The following OXCT1 variants were observed in gnomAD, a reference collection of about 807,000 sequenced individuals.
OXCT1 encodes 3-oxoacid CoA-transferase 1.
In OXCT1, 27 loss-of-function variants were observed where a neutral mutation model predicts 69.6. The ratio of observed to expected loss-of-function variants is 0.39; its 90% CI spans 0.29 to 0.54. The LOEUF is 0.54. Among genes scored for constraint, OXCT1 ranks in the 20% least tolerant of loss-of-function variants. The pLI is 0.72. For missense variants in OXCT1, 437 were observed against 650.2 expected (o/e 0.67, Z 3.57); for synonymous variants, 202 against 217.8 (o/e 0.93, Z 0.64).
chr5:41,836,131 G>A (rs1748349619), intron 7 of OXCT1, among the ~76,000 whole-genome samples: 1 of 152,152 alleles, frequency 6.6e-6, no homozygotes, highest in African/African-American at 2.4e-5. Context: ...TCATACACAT[G>A]GAAGGCAACA....
At chr5:41,766,366 C>T (rs1744598248) in intron 13 of OXCT1, among the ~76,000 whole-genome samples, 1 of 151,742 alleles carries the variant, frequency 6.6e-6, no homozygotes, top group Non-Finnish European at 1.5e-5. Flanking sequence ...AAACCAGGCA[C>T]CAAGATAGGA....
intron 13 of OXCT1, among the ~76,000 whole-genome samples, chr5:41,771,406 A>T (rs1421442023): frequency 1.3e-5 from 2 of 152,236 alleles, no homozygotes; most frequent in East Asian, 3.8e-4. Context: ...TCAATGTGTG[A>T]CAAAGTTTTT....
chr5:41,851,614 A>G (rs547131228), intron 4 of OXCT1, among the ~76,000 whole-genome samples: 1 of 152,094 alleles, frequency 6.6e-6, no homozygotes, highest in East Asian at 1.9e-4. Context: ...TCCTCCCCCT[A>G]GCCTTCAGGC....
chr5:41,821,780 T>C (rs768958156), intron 7 of OXCT1, among the ~76,000 whole-genome samples: 2 of 152,220 alleles, frequency 1.3e-5, no homozygotes, highest in Non-Finnish European at 2.9e-5. Context: ...TATTTTGTGA[T>C]AGGGTGATTT....
chr5:41,851,016 T>C (rs755550049), intron 4 of OXCT1, among the ~76,000 whole-genome samples: 13 of 152,156 alleles, frequency 8.5e-5, no homozygotes, highest in African/African-American at 2.4e-4. Flanking sequence ...TAGTTAAAAA[T>C]TGGGGCTGGA....
At chr5:41,833,405 G>A (rs961925218) in intron 7 of OXCT1, among the ~76,000 whole-genome samples, 1 of 151,604 alleles carries the variant, frequency 6.6e-6, no homozygotes, top group Non-Finnish European at 1.5e-5. Context: ...AGTATATATG[G>A]CAAAATATCT....
At chr5:41,834,146 A>G in intron 7 of OXCT1, among the ~76,000 whole-genome samples, 1 of 152,162 alleles carries the variant, frequency 6.6e-6, no homozygotes, top group Non-Finnish European at 1.5e-5. Flanking sequence ...TCAAATACAA[A>G]AAAAACTACA....
chr5:41,807,399 C>G lies in OXCT1; in HGVS notation c.772G>C (p.Asp258His), dbSNP rs191659907. The G allele has an allele frequency of 1.9e-6, 3 of 1,607,658 alleles. No individual in the cohort carries two copies. The highest frequency in any genetic ancestry group is 2.6e-6 in the Non-Finnish European group (3 of 1,174,702). The stretch of plus-strand genomic sequence containing the variant: ...ACATAAATCTGAGGAATATGGATGT[C>G]TTCTGGAGCAAATGCTCCAATATCC... The part of the protein sequence containing the change: ...IVDIGAFAPE[D>H]IHIPQIYVHR... The change falls in exon 8 of 17, where the codon GAC (aspartate) becomes CAC (histidine). Residue 258 changes from aspartate (D) to histidine (H), a missense_variant. Asp to His is a moderately conservative substitution (Grantham distance 81, BLOSUM62 -1). This residue lies in a region of OXCT1 where 252 missense variants were observed against 397.4 expected (regional missense o/e 0.63). Coordinates refer to ENST00000196371, the MANE Select transcript of OXCT1 (RefSeq NM_000436.4).
intron 6 of OXCT1, 152 bp from the exon 7 acceptor site, chr5:41,840,663 T>C (rs1253423183): frequency 5.2e-6 from 3 of 578,718 alleles, no homozygotes; most frequent in Non-Finnish European, 9.3e-6. Context: ...ATTAATAAAG[T>C]TTCATAAATA....
intron 15 of OXCT1, 58 bp from the exon 16 acceptor site, chr5:41,739,549 G>A (rs1394102774): frequency 7.8e-7 from 1 of 1,288,496 alleles, no homozygotes. Context: ...ATTATTATAT[G>A]GCACAAAACA....
rs565735349 is a variant in OXCT1 at position 41,739,642 on chromosome 5, G to A, written c.1420-151C>T. 1.4e-5 allele frequency: 9 copies of A among 630,288 alleles called. No homozygotes were observed. In the East Asian group the frequency reaches 2.5e-4, roughly 17 times the overall value. The allele number at this position is 630,288 out of a possible 1,614,324, so 39.0% of individuals were successfully genotyped here. ...GCATTTTGGTAGGCTTAGGTGGGTG[G>A]ATCACAAGGTCAGGAGATCGAGACC... On this transcript the variant is annotated intron_variant, in intron 15 of 16. Transcript: ENST00000196371.
At chr5:41,736,447 T>C (rs1048113254) in intron 16 of OXCT1, among the ~76,000 whole-genome samples, 4 of 152,084 alleles carry the variant, frequency 2.6e-5, no homozygotes, top group African/African-American at 9.7e-5. Context: ...AAAATCATAT[T>C]TTTTCCACTT....
At chr5:41,861,260 ATATTAAGAATTGGCAT>A in intron 3 of OXCT1, 38 bp downstream of exon 3, 1 of 1,076,436 alleles carries the variant, frequency 9.3e-7, no homozygotes, top group Non-Finnish European at 1.4e-6. Context: ...CTCTGTTTAA[ATATTAAGAATTGGCAT>A]TTCTCTCCAG....
At chr5:41,750,353 C>A (rs2112052471) in intron 14 of OXCT1, among the ~76,000 whole-genome samples, 1 of 152,062 alleles carries the variant, frequency 6.6e-6, no homozygotes, top group East Asian at 1.9e-4. Flanking sequence ...CCAGCCCCTC[C>A]TCCCACCTGC....
At chr5:41,859,520 C>A (rs1014233842) in intron 3 of OXCT1, among the ~76,000 whole-genome samples, 4 of 152,052 alleles carry the variant, frequency 2.6e-5, no homozygotes, top group Admixed American at 1.3e-4. Context: ...GCCATGATTT[C>A]AGAACACAGG....
intron 7 of OXCT1, among the ~76,000 whole-genome samples, chr5:41,811,021 A>T (rs1039507493): frequency 1.3e-5 from 2 of 151,974 alleles, no homozygotes; most frequent in Non-Finnish European, 2.9e-5. Flanking sequence ...GAAAAGAAAA[A>T]AAACAGACAA....
intron 1 of OXCT1, among the ~76,000 whole-genome samples, chr5:41,863,128 C>T (rs1749819290): frequency 6.6e-6 from 1 of 152,022 alleles, no homozygotes; most frequent in African/African-American, 2.4e-5. Context: ...GTCTCATAGT[C>T]TAATTTGTAA....
At chr5:41,808,064 A>C (rs1292996448) in intron 7 of OXCT1, among the ~76,000 whole-genome samples, 1 of 152,132 alleles carries the variant, frequency 6.6e-6, no homozygotes, top group Non-Finnish European at 1.5e-5. Flanking sequence ...TTTAATTAGA[A>C]TCAAAGTCAT....
At chr5:41,808,633 A>T (rs767599705) in intron 7 of OXCT1, among the ~76,000 whole-genome samples, 3 of 152,120 alleles carry the variant, frequency 2.0e-5, no homozygotes, top group Non-Finnish European at 4.4e-5. Flanking sequence ...ATCCAAGTTG[A>T]ACTACTGGGT....
Sources: gnomAD v4.1 joint callset for allele counts (sites outside exome capture counted in the v4.1 genomes callset) on GRCh38, gnomAD v4.1.1 for gene constraint, gnomAD v4.1.1 regional missense constraint, MANE v1.5 for transcripts, NCBI Gene and HGNC (gene_info 2026-07-23, HGNC 2026-07-21) for gene names.